MILR1: variants seen among roughly 807,000 people sequenced by gnomAD.
MILR1 encodes the protein allergin-1.
MILR1 carries 31 observed loss-of-function variants against 18.5 expected under a neutral mutation model. The observed-to-expected ratio is 1.68, with a 90% CI of 1.26 to 2.26. The LOEUF is 2.26. Ranked by LOEUF, MILR1 falls within the 30% of genes most tolerant of loss-of-function variation. The pLI, the probability that MILR1 is intolerant of heterozygous loss-of-function variation, is 0.00. For synonymous variants in MILR1, 85 were observed against 56.2 expected, an observed-to-expected ratio of 1.51 and a Z score of -2.30; for missense variants, 257 against 157.4, an observed-to-expected ratio of 1.63 and a Z score of -3.38.
the MILR1 span, among the ~76,000 whole-genome samples, chr17:64,497,193 C>T: frequency 3.3e-5 from 5 of 152,254 alleles, no homozygotes; most frequent in Non-Finnish European, 7.3e-5. Context: ...GCTAGCTTGC[C>T]GTTCGCGTCG....
chr17:64,453,536 C>CT (rs35572128), intron 3 of MILR1, among the ~76,000 whole-genome samples: 18,839 of 100,784 alleles, frequency 0.19, 2,726 homozygotes, highest in Non-Finnish European at 0.24. Flanking sequence ...GCAAAAATCG[C>CT]TTTTTTTTTT....
At chr17:64,493,991 TACC>T in the MILR1 span, among the ~76,000 whole-genome samples, 18 of 152,196 alleles carry the variant, frequency 1.2e-4, no homozygotes, top group Non-Finnish European at 2.9e-5. Context: ...TTAACCATAA[TACC>T]ACAATATAAT....
the MILR1 span, among the ~76,000 whole-genome samples, chr17:64,493,688 G>A: frequency 0.19 from 28,279 of 151,826 alleles, 6,717 homozygotes; most frequent in African/African-American, 0.56. Flanking sequence ...GGGTTTCACC[G>A]TGTTAGCCAG....
chr17:64,478,332 T>C, the MILR1 span, among the ~76,000 whole-genome samples: 1 of 152,220 alleles, frequency 6.6e-6, no homozygotes, highest in East Asian at 1.9e-4. Flanking sequence ...ACAATTATTT[T>C]AGACTGAAGT....
the MILR1 span, chr17:64,485,999 C>G: frequency 3.3e-4 from 255 of 779,162 alleles, 4 homozygotes; most frequent in South Asian, 3.5e-3. Context: ...TCCCTGCAAC[C>G]TCTGCCTCCC....
the MILR1 span, among the ~76,000 whole-genome samples, chr17:64,478,483 T>C: frequency 1.3e-5 from 2 of 152,354 alleles, no homozygotes; most frequent in Admixed American, 1.3e-4. Flanking sequence ...GCTGACCTTC[T>C]GTATGCTTAC....
At chr17:64,491,542 T>G in the MILR1 span, 16 of 1,548,128 alleles carry the variant, frequency 1.0e-5, no homozygotes, top group Non-Finnish European at 1.3e-5. Context: ...GTTGTACCAG[T>G]GAAGGACAAG....
the MILR1 span, among the ~76,000 whole-genome samples, chr17:64,493,416 T>G: frequency 2.7e-5 from 4 of 149,844 alleles, no homozygotes; most frequent in East Asian, 7.8e-4. Flanking sequence ...AACCCTGTCT[T>G]AAAAAAAAAC....
intron 1 of MILR1, 38 bp from the exon 2 acceptor site, chr17:64,449,276 T>G (rs2037112069): frequency 2.1e-6 from 1 of 473,576 alleles, no homozygotes; most frequent in South Asian, 6.9e-5. Context: ...ACGTGTCATG[T>G]GGAAAGTGAG....
At chr17:64,492,617 T>G in the MILR1 span, 1 of 1,065,272 alleles carries the variant, frequency 9.4e-7, no homozygotes, top group East Asian at 2.5e-5. Context: ...ACTGACACAT[T>G]AAGACAATTT....
At chr17:64,486,834 A>G in the MILR1 span, 4 of 152,252 alleles carry the variant, frequency 2.6e-5, no homozygotes, top group African/African-American at 9.6e-5. Flanking sequence ...CATTAAAGCC[A>G]TAATTATGAA....
Position 64,460,802 on chromosome 17 carries a change from T to C in MILR1, c.653-20T>C, listed in dbSNP as rs2037413913. On this transcript the variant is annotated intron_variant, in intron 4 of 9. Coordinates refer to ENST00000619286, the MANE Select transcript of MILR1 (RefSeq NM_001085423.2). ...GAAAAGAAAATGCTATGGTCACCAA[T>C]GGATGCGGTCTTCTTCCAGGCGGAG... is the stretch of plus-strand genomic sequence containing the variant. 24 of 474,630 alleles carry C rather than the reference T, an allele frequency of 5.1e-5. No homozygotes were observed. The South Asian group carries it at 1.4e-3, about 28-fold the overall frequency. The allele number at this position is 474,630 out of a possible 1,614,324, so 29.4% of individuals were successfully genotyped here.
At chr17:64,495,844 G>A in the MILR1 span, among the ~76,000 whole-genome samples, 1 of 152,028 alleles carries the variant, frequency 6.6e-6, no homozygotes, top group African/African-American at 2.4e-5. Flanking sequence ...AAGTAGCTGG[G>A]ATTACAGGCG....
chr17:64,465,528 T>C lies in MILR1; in HGVS notation c.840T>C (p.Leu280=). 1.9e-6 allele frequency: 3 copies of C among 1,607,932 alleles called. No homozygotes were observed. The highest frequency in any genetic ancestry group is 1.7e-6 in the Non-Finnish European group (2 of 1,177,302). ...AAGTTGGAATCTATGCAAATATCCT[T>C]GAAAAACAAGCAAGTAAGAGAACTT... The part of the protein sequence containing the change: ...AMEVGIYANI[L]EKQAKEESVP... Residue 280 remains leucine (L), a synonymous_variant, in exon 6 of 10, where the codon CTT becomes CTC. Transcript: ENST00000619286.
At chr17:64,497,145 C>T in the MILR1 span, 23 of 694,132 alleles carry the variant, frequency 3.3e-5, no homozygotes, top group African/African-American at 3.5e-4. Context: ...CAGCCGTCCC[C>T]CGCCCACCAT....
In MILR1 at chr17:64,467,625, A is replaced by T; in HGVS notation, c.*8A>T. ...TCTGAACTCAACTTCTGAAATTTAC[A>T]GAAACAAACTACATCTCAGGGTAAG... On this transcript the variant is annotated 3_prime_UTR_variant, in exon 9 of 10. Coordinates refer to ENST00000619286, the MANE Select transcript of MILR1 (RefSeq NM_001085423.2). The T allele has an allele frequency of 6.4e-7, 1 of 1,559,576 alleles. No individual in the cohort carries two copies. The highest frequency in any genetic ancestry group is 8.7e-7 in the Non-Finnish European group (1 of 1,143,860).
At chr17:64,497,045 C>A in the MILR1 span, 1 of 1,435,390 alleles carries the variant, frequency 7.0e-7, no homozygotes. Flanking sequence ...TTAACAGAAT[C>A]CGGAGAGGCC....
At chr17:64,466,329 T>C (rs2037558984) in intron 6 of MILR1, 113 bp from the exon 7 acceptor site, 6 of 847,164 alleles carry the variant, frequency 7.1e-6, no homozygotes, top group Non-Finnish European at 1.2e-5. Context: ...CAGCTGACAA[T>C]GGAACAGTCC....
the MILR1 span, among the ~76,000 whole-genome samples, chr17:64,489,361 T>TTAA: frequency 5.2e-5 from 7 of 135,360 alleles, no homozygotes; most frequent in African/African-American, 8.2e-5. Flanking sequence ...TGTTTTTTTT[T>TTAA]AAAAAAAAAA....
Sources: gnomAD v4.1 joint callset for allele counts (sites outside exome capture counted in the v4.1 genomes callset) on GRCh38, gnomAD v4.1.1 for gene constraint, MANE v1.5 for transcripts, NCBI Gene and HGNC (gene_info 2026-07-23, HGNC 2026-07-21) for gene names.